Variants in NCOA7 observed in about 807,000 individuals in gnomAD.
NCOA7 encodes 140 kDa estrogen receptor-associated protein.
In NCOA7, 45 loss-of-function variants were observed where a neutral mutation model predicts 104.3. The observed-to-expected ratio is 0.43, with a 90% confidence interval of 0.34 to 0.55. The LOEUF is 0.55. NCOA7 is among the 20% of genes least tolerant of loss of function. The probability of loss-of-function intolerance (pLI) is 0.02; values close to 1 mark genes in which losing one functional copy is unlikely to be tolerated. For synonymous variants in NCOA7, 398 were observed against 402.3 expected, an observed-to-expected ratio of 0.99 and a Z score of 0.13; for missense variants, 1,041 against 1,119.7, an observed-to-expected ratio of 0.93 and a Z score of 1.00.
intron 3 of NCOA7, among the ~76,000 whole-genome samples, chr6:125,871,998 GAAA>G (rs530879162): frequency 3.3e-5 from 3 of 89,762 alleles, no homozygotes; most frequent in Admixed American, 1.4e-4. Context: ...CCCTGTCTCA[GAAA>G]AAAAAAAAAA....
At chr6:125,835,135 T>C (rs1490634829) in intron 2 of NCOA7, among the ~76,000 whole-genome samples, 1 of 152,212 alleles carries the variant, frequency 6.6e-6, no homozygotes, top group Non-Finnish European at 1.5e-5. Flanking sequence ...TCTTTAAAAT[T>C]TCCTGAGTTC....
chr6:125,787,744 C>G (rs1774537137), upstream of NCOA7, among the ~76,000 whole-genome samples: 1 of 152,214 alleles, frequency 6.6e-6, no homozygotes, highest in Non-Finnish European at 1.5e-5. Context: ...TACCAAGTAA[C>G]TTCCGCAGCC....
At chr6:125,800,383 TG>T (rs1321826689) in intron 1 of NCOA7, among the ~76,000 whole-genome samples, 1 of 152,246 alleles carries the variant, frequency 6.6e-6, no homozygotes, top group Non-Finnish European at 1.5e-5. Flanking sequence ...GTTTTAGTTA[TG>T]TGCCTTATAA....
At chr6:125,896,536 A>G (rs1785034811) in intron 10 of NCOA7, among the ~76,000 whole-genome samples, 1 of 152,170 alleles carries the variant, frequency 6.6e-6, no homozygotes, top group Non-Finnish European at 1.5e-5. Flanking sequence ...CATGCCTGTA[A>G]TCCCAGCACT....
chr6:125,851,085 G>A (rs939476114), intron 2 of NCOA7, among the ~76,000 whole-genome samples: 2 of 152,094 alleles, frequency 1.3e-5, no homozygotes, highest in Non-Finnish European at 1.5e-5. Flanking sequence ...CAATTGTTTG[G>A]TGATTTTTGG....
chr6:125,901,740 C>T (rs1298442565), intron 10 of NCOA7, among the ~76,000 whole-genome samples: 1 of 152,192 alleles, frequency 6.6e-6, no homozygotes, highest in African/African-American at 2.4e-5. Flanking sequence ...TCACCCTGCC[C>T]TCTTGGTACC....
intron 10 of NCOA7, among the ~76,000 whole-genome samples, chr6:125,907,676 G>C (rs1415497830): frequency 6.6e-6 from 1 of 152,166 alleles, no homozygotes; most frequent in Non-Finnish European, 1.5e-5. Context: ...AAAAAGCGGG[G>C]GTTGGGGAAC....
chr6:125,855,380 A>G (rs1050279223), intron 3 of NCOA7, 140 bp downstream of exon 3: 1 of 639,120 alleles, frequency 1.6e-6, no homozygotes, highest in Non-Finnish European at 2.7e-6. Context: ...CTTGCTTTAC[A>G]TACATAATCT....
At chr6:125,809,724 C>T (rs529471182) in intron 1 of NCOA7, among the ~76,000 whole-genome samples, 1 of 152,132 alleles carries the variant, frequency 6.6e-6, no homozygotes, top group Non-Finnish European at 1.5e-5. Flanking sequence ...CTGTTCCTTA[C>T]GTGACCAAAC....
At position 125,928,705 on chromosome 6, in the gene NCOA7, T is replaced by C. The variant is rs767748552; in HGVS notation, c.2763T>C (p.Asn921=). The part of the protein sequence containing the change: ...HGRSNSCSTF[N]NDILSKKEDF... ...GAAGCAACTCTTGCAGCACTTTCAA[T>C]AATGATATTCTTTCCAAAAAGGAAG... The change falls in exon 16 of 16, where the codon AAT becomes AAC. Residue 921 remains asparagine, a synonymous_variant. Transcript: ENST00000392477. 1.2e-6 allele frequency: 2 copies of C among 1,613,870 alleles called. No individual in the cohort carries two copies. The highest frequency in any genetic ancestry group is 3.3e-5 in the Admixed American group (2 of 60,004).
chr6:125,792,970 G>A (rs1335179256), intron 1 of NCOA7, among the ~76,000 whole-genome samples: 5 of 152,050 alleles, frequency 3.3e-5, no homozygotes, highest in Non-Finnish European at 7.4e-5. Flanking sequence ...ACATTTTAAT[G>A]CATCTTTACC....
chr6:125,881,670 C>CAAAAAAAA (rs397887394), intron 6 of NCOA7, among the ~76,000 whole-genome samples: 1 of 90,546 alleles, frequency 1.1e-5, no homozygotes, highest in Non-Finnish European at 2.1e-5. Flanking sequence ...AACCCTATCT[C>CAAAAAAAA]AAAAAAAAAA....
At chr6:125,842,151 C>T (rs1013640478) in intron 2 of NCOA7, among the ~76,000 whole-genome samples, 24 of 152,222 alleles carry the variant, frequency 1.6e-4, no homozygotes, top group Admixed American at 5.2e-4. Context: ...AACTATGTTT[C>T]CCTTACGAGG....
At chr6:125,851,245 T>G (rs1781101494) in intron 2 of NCOA7, among the ~76,000 whole-genome samples, 1 of 152,116 alleles carries the variant, frequency 6.6e-6, no homozygotes, top group Non-Finnish European at 1.5e-5. Context: ...AATATGTAGT[T>G]TTTTATCCCT....
chr6:125,874,874 C>T lies in NCOA7; in HGVS notation c.272-15C>T. 1 of 1,593,262 alleles carries T rather than the reference C, an allele frequency of 6.3e-7. No homozygotes were observed. Among genetic ancestry groups the T allele is most frequent in the Non-Finnish European group, 8.6e-7 (1 of 1,161,700 alleles). On this transcript the variant is annotated splice_polypyrimidine_tract_variant and intron_variant, in intron 3 of 15. Transcript: ENST00000392477. ...GAAAATGAAATTATTCATTTACATA[C>T]AATTTATTCTTCAGATGACAATCAA... is the stretch of plus-strand genomic sequence containing the variant.
intron 2 of NCOA7, among the ~76,000 whole-genome samples, chr6:125,840,067 T>C (rs1194781521): frequency 6.6e-6 from 1 of 152,042 alleles, no homozygotes; most frequent in Non-Finnish European, 1.5e-5. Context: ...CTGTGTGTTA[T>C]TGCCCCTGAG....
At chr6:125,860,645 G>A (rs1048895110) in intron 3 of NCOA7, among the ~76,000 whole-genome samples, 2 of 152,148 alleles carry the variant, frequency 1.3e-5, no homozygotes, top group African/African-American at 2.4e-5. Context: ...ACAGCACCCC[G>A]CCCGGATCCT....
At chr6:125,844,322 T>G (rs994458514) in intron 2 of NCOA7, among the ~76,000 whole-genome samples, 1 of 152,228 alleles carries the variant, frequency 6.6e-6, no homozygotes, top group African/African-American at 2.4e-5. Context: ...TATTTTCGTT[T>G]TAACTGATGA....
At chr6:125,821,621 A>G (rs1778194836) in intron 2 of NCOA7, among the ~76,000 whole-genome samples, 1 of 152,188 alleles carries the variant, frequency 6.6e-6, no homozygotes, top group Non-Finnish European at 1.5e-5. Context: ...TTTGTTTATA[A>G]CTTGACAACA....
Sources: gnomAD v4.1 joint callset for allele counts (sites outside exome capture counted in the v4.1 genomes callset) on GRCh38, gnomAD v4.1.1 for gene constraint, MANE v1.5 for transcripts, NCBI Gene and HGNC (gene_info 2026-07-23, HGNC 2026-07-21) for gene names.